Variants in DCC observed in about 807,000 individuals in gnomAD.
The protein encoded by DCC is netrin receptor DCC.
Under a neutral mutation model 172.5 loss-of-function variants are expected in DCC, and 58 were observed. The ratio of observed to expected loss-of-function variants is 0.34; its 90% CI spans 0.27 to 0.42. The LOEUF is 0.42. Ranked by LOEUF, DCC falls within the 10% of genes least tolerant of loss-of-function variation. The pLI is 1.00. For missense variants in DCC, 1,740 were observed against 1,791.0 expected (o/e 0.97, Z 0.51); for synonymous variants, 709 against 644.5 (o/e 1.10, Z -1.52).
intron 11 of DCC, among the ~76,000 whole-genome samples, chr18:53,214,433 A>G (rs1196861200): frequency 6.6e-6 from 1 of 152,196 alleles, no homozygotes; most frequent in Non-Finnish European, 1.5e-5. Flanking sequence ...TGTCTTCATG[A>G]TAATTACTAT....
intron 1 of DCC, among the ~76,000 whole-genome samples, chr18:52,586,354 C>T (rs1371422029): frequency 6.6e-6 from 1 of 152,090 alleles, no homozygotes; most frequent in African/African-American, 2.4e-5. Context: ...CATATAGTTG[C>T]CCCTGTATTC....
intron 1 of DCC, among the ~76,000 whole-genome samples, chr18:52,586,816 T>C (rs2033685132): frequency 1.3e-5 from 2 of 152,208 alleles, no homozygotes; most frequent in Admixed American, 6.5e-5. Flanking sequence ...GTTGGCATTG[T>C]AATTGTGACT....
intron 1 of DCC, among the ~76,000 whole-genome samples, chr18:52,543,230 ATTATT>A (rs1754642851): frequency 6.6e-6 from 1 of 152,228 alleles, no homozygotes; most frequent in Non-Finnish European, 1.5e-5. Context: ...GAAGAAATAG[ATTATT>A]TTAATTGCAT....
chr18:52,391,370 A>C (rs533141241), intron 1 of DCC, among the ~76,000 whole-genome samples: 1 of 152,114 alleles, frequency 6.6e-6, no homozygotes, highest in African/African-American at 2.4e-5. Flanking sequence ...GCTAGGCACA[A>C]AAGAGAGATC....
At chr18:52,883,375 T>G (rs1568166753) in intron 2 of DCC, among the ~76,000 whole-genome samples, 35 of 126,746 alleles carry the variant, frequency 2.8e-4, no homozygotes, top group African/African-American at 8.9e-4. Flanking sequence ...TGTGTGTGTG[T>G]GTGTGTGTGT....
intron 25 of DCC, among the ~76,000 whole-genome samples, chr18:53,484,129 A>C (rs2045873582): frequency 6.6e-6 from 1 of 151,774 alleles, no homozygotes; most frequent in South Asian, 2.1e-4. Context: ...GTGACTTCTT[A>C]TTCTGTTATT....
chr18:53,269,810 T>A (rs2056727726), intron 12 of DCC, among the ~76,000 whole-genome samples: 1 of 152,126 alleles, frequency 6.6e-6, no homozygotes, highest in South Asian at 2.1e-4. Context: ...TAGAGTCAGT[T>A]TACTCAAGTA....
intron 12 of DCC, among the ~76,000 whole-genome samples, chr18:53,249,451 T>A (rs2144654611): frequency 6.6e-6 from 1 of 152,004 alleles, no homozygotes; most frequent in South Asian, 2.1e-4. Flanking sequence ...AAGGGCTATG[T>A]CTACGACCTC....
chr18:53,263,667 G>A lies in DCC; in HGVS notation c.1912-41911G>A, dbSNP rs555475076. 2.4e-4 allele frequency among the ~76,000 whole-genome samples: 36 copies of A among 152,090 alleles called. No individual in the cohort carries two copies. In the South Asian group the frequency reaches 6.0e-3, roughly 25 times the overall value. Reference sequence around the variant, plus strand: ...AAACTTTTTTAGACATAAATATTACGGAAGTTCTGTACTAAAGTTGTGCAA... The same window carrying A: ...AAACTTTTTTAGACATAAATATTACAGAAGTTCTGTACTAAAGTTGTGCAA... On this transcript the variant is annotated intron_variant, in intron 12 of 28. Coordinates refer to ENST00000442544, the MANE Select transcript of DCC (RefSeq NM_005215.4).
chr18:52,905,124 T>C (rs376948688), intron 2 of DCC, among the ~76,000 whole-genome samples: 63 of 152,206 alleles, frequency 4.1e-4, no homozygotes, highest in East Asian at 3.3e-3. Context: ...TGCATGGTGA[T>C]GCATACAAGC....
chr18:52,414,898 G>A (rs1568159240), intron 1 of DCC, among the ~76,000 whole-genome samples: 1 of 152,118 alleles, frequency 6.6e-6, no homozygotes, highest in Non-Finnish European at 1.5e-5. Flanking sequence ...AAAACTAGTT[G>A]GCATATTTCT....
At chr18:52,789,268 AAG>A (rs1270640667) in intron 2 of DCC, among the ~76,000 whole-genome samples, 3 of 152,118 alleles carry the variant, frequency 2.0e-5, no homozygotes, top group Non-Finnish European at 1.5e-5. Flanking sequence ...TTTTTCTCAA[AAG>A]AGAGTTTGTG....
At chr18:53,181,364 A>G (rs2055193328) in intron 9 of DCC, among the ~76,000 whole-genome samples, 1 of 151,448 alleles carries the variant, frequency 6.6e-6, no homozygotes, top group African/African-American at 2.4e-5. Context: ...ATTGTTTCTA[A>G]GCATTCAACT....
chr18:52,358,464 C>T lies in DCC; in HGVS notation c.91+17586C>T, dbSNP rs1045477310. ...CTTCATCTGTAAAGCAGGAAAACAA[C>T]ACTTAATTCAGAGAGTACTTATAAA... On this transcript the variant is annotated intron_variant, in intron 1 of 28. Transcript: ENST00000442544. 1.6e-4 allele frequency among the ~76,000 whole-genome samples: 25 copies of T among 152,284 alleles called. No individual in the cohort carries two copies. In the East Asian group the frequency reaches 1.7e-3, roughly 11 times the overall value.
At chr18:52,780,491 C>G (rs1053537421) in intron 2 of DCC, among the ~76,000 whole-genome samples, 2 of 152,080 alleles carry the variant, frequency 1.3e-5, no homozygotes, top group Non-Finnish European at 2.9e-5. Context: ...GAAAGGCATT[C>G]ACATTTACTT....
chr18:53,206,523 T>TG (rs376022169), intron 10 of DCC, among the ~76,000 whole-genome samples: 19 of 65,856 alleles, frequency 2.9e-4, no homozygotes, highest in African/African-American at 8.2e-4. Context: ...TATACATGTA[T>TG]TATATATAAT....
intron 2 of DCC, among the ~76,000 whole-genome samples, chr18:52,763,697 G>A (rs184321711): frequency 5.9e-5 from 9 of 152,078 alleles, no homozygotes; most frequent in African/African-American, 1.7e-4. Context: ...TCATAAAATC[G>A]TGCAACCACC....
chr18:53,528,938 A>C (rs1016220831), intron 28 of DCC, among the ~76,000 whole-genome samples: 4 of 151,016 alleles, frequency 2.6e-5, no homozygotes, highest in Admixed American at 6.6e-5. Context: ...CAGTTTGAGA[A>C]CGACAACCAG....
At chr18:52,969,545 T>C (rs1038876795) in intron 5 of DCC, among the ~76,000 whole-genome samples, 1 of 148,902 alleles carries the variant, frequency 6.7e-6, no homozygotes, top group African/African-American at 2.5e-5. Context: ...CTCAACCAGA[T>C]TAGCCTCTAA....
Sources: gnomAD v4.1 joint callset for allele counts (sites outside exome capture counted in the v4.1 genomes callset) on GRCh38, gnomAD v4.1.1 for gene constraint, MANE v1.5 for transcripts, NCBI Gene and HGNC (gene_info 2026-07-23, HGNC 2026-07-21) for gene names.